Variants in RBFOX1 observed in about 807,000 individuals in gnomAD.
RBFOX1 encodes RNA binding protein fox-1 homolog 1.
Under a neutral mutation model 57.7 loss-of-function variants are expected in RBFOX1, and 8 were observed. That is an observed-to-expected ratio of 0.14 (90% confidence interval 0.08 to 0.25). The LOEUF (loss-of-function observed/expected upper bound fraction) is 0.25, where lower values mean the gene tolerates loss of function less well. Ranked by LOEUF, RBFOX1 falls within the 10% of genes least tolerant of loss-of-function variation. The pLI, the probability that RBFOX1 is intolerant of heterozygous loss-of-function variation, is 1.00. For synonymous variants in RBFOX1, 326 were observed against 222.4 expected (o/e 1.47, Z -4.15); for missense variants, 611 against 548.5 (o/e 1.11, Z -1.14).
At chr16:7,422,081 C>G (rs1300631342) in intron 4 of RBFOX1, among the ~76,000 whole-genome samples, 1 of 152,094 alleles carries the variant, frequency 6.6e-6, no homozygotes, top group Non-Finnish European at 1.5e-5. Flanking sequence ...CTTAAATAGA[C>G]AAAGAGAAAT....
Position 6,227,124 on chromosome 16 carries a change from A to G in RBFOX1, c.-126-89871A>G, listed in dbSNP as rs1329573997. 2.6e-5 allele frequency among the ~76,000 whole-genome samples: 4 copies of G among 151,936 alleles called. No homozygotes were observed. The East Asian group carries it at 7.8e-4, about 29-fold the overall frequency. On this transcript the variant is annotated intron_variant, in intron 1 of 15. Transcript: ENST00000550418. ...AGGTGACAGGGCGAGACTCTGTCTC[A>G]AGAAAAAAAAAAGTAATATTATTAT... is the stretch of plus-strand genomic sequence containing the variant.
At chr16:7,187,178 A>G (rs969230176) in intron 4 of RBFOX1, among the ~76,000 whole-genome samples, 78 of 152,076 alleles carry the variant, frequency 5.1e-4, no homozygotes, top group African/African-American at 1.5e-3. Flanking sequence ...CAAAAAATAA[A>G]TAAAAAAATA....
At chr16:6,335,818 A>G (rs1182887966) in intron 2 of RBFOX1, among the ~76,000 whole-genome samples, 1 of 150,646 alleles carries the variant, frequency 6.6e-6, no homozygotes, top group Non-Finnish European at 1.5e-5. Context: ...AAAAGAAAAG[A>G]AAAAATAAAA....
At chr16:6,963,999 C>T (rs965190076) in intron 3 of RBFOX1, among the ~76,000 whole-genome samples, 65 of 150,974 alleles carry the variant, frequency 4.3e-4, no homozygotes, top group African/African-American at 1.5e-3. Context: ...CGCCCAGCCC[C>T]GGATTTATTT....
At chr16:7,341,534 G>T (rs1419825527) in intron 4 of RBFOX1, among the ~76,000 whole-genome samples, 1 of 152,116 alleles carries the variant, frequency 6.6e-6, no homozygotes, top group African/African-American at 2.4e-5. Flanking sequence ...TAGAACTCTT[G>T]AGTCTCCACC....
chr16:7,697,101 A>G lies in RBFOX1; in HGVS notation c.996-11955A>G, dbSNP rs115028987. 8.4e-3 allele frequency among the ~76,000 whole-genome samples: 1,273 copies of G among 152,314 alleles called. 22 individuals are homozygous for G. The highest frequency in any genetic ancestry group is 0.029 in the African/African-American group (1,209 of 41,554). On this transcript the variant is annotated intron_variant, in intron 14 of 15. Transcript: ENST00000550418. ...GTTGTAATCTGACTTTAATGATCAG[A>G]TAAGACTGCTTTGTGGAGACCAAAC... is the stretch of plus-strand genomic sequence containing the variant.
chr16:7,453,195 C>T (rs1019986947), intron 4 of RBFOX1, among the ~76,000 whole-genome samples: 1 of 151,260 alleles, frequency 6.6e-6, no homozygotes, highest in Non-Finnish European at 1.5e-5. Context: ...AGGATGGCTT[C>T]CTGAAGGAAC....
intron 3 of RBFOX1, among the ~76,000 whole-genome samples, chr16:6,998,950 C>T (rs1344508761): frequency 1.3e-5 from 2 of 151,040 alleles, no homozygotes; most frequent in East Asian, 2.0e-4. Context: ...CTCACTGTAA[C>T]CTCCGCCTCC....
At chr16:7,275,082 G>A (rs1038944476) in intron 4 of RBFOX1, among the ~76,000 whole-genome samples, 5 of 152,132 alleles carry the variant, frequency 3.3e-5, no homozygotes, top group Non-Finnish European at 7.3e-5. Context: ...GAGCGGGCAG[G>A]GTTCTGGATC....
intron 2 of RBFOX1, among the ~76,000 whole-genome samples, chr16:6,431,274 G>T (rs2094075161): frequency 6.6e-6 from 1 of 152,076 alleles, no homozygotes; most frequent in African/African-American, 2.4e-5. Context: ...AGGATCCTAT[G>T]GCTGTGGATG....
chr16:7,661,203 G>A (rs1250110764), intron 12 of RBFOX1, among the ~76,000 whole-genome samples: 1 of 152,144 alleles, frequency 6.6e-6, no homozygotes, highest in African/African-American at 2.4e-5. Flanking sequence ...ATTTTTTAGA[G>A]TTATCCTAAA....
chr16:5,542,223 A>T (rs1238456013), intron 2 of RBFOX1, among the ~76,000 whole-genome samples: 4 of 150,754 alleles, frequency 2.7e-5, no homozygotes, highest in Non-Finnish European at 5.9e-5. Context: ...TAGTCATTTC[A>T]ATTTAATAAC....
At chr16:5,439,684 A>G (rs985387132) in intron 1 of RBFOX1, among the ~76,000 whole-genome samples, 24 of 152,148 alleles carry the variant, frequency 1.6e-4, no homozygotes, top group African/African-American at 5.8e-4. Flanking sequence ...GCCTCAAGTG[A>G]TTCACCCGCC....
intron 4 of RBFOX1, among the ~76,000 whole-genome samples, chr16:7,322,246 G>A (rs888765060): frequency 6.6e-6 from 1 of 152,216 alleles, no homozygotes; most frequent in Middle Eastern, 3.2e-3. Flanking sequence ...CACTTCTTAA[G>A]CACAGACTTG....
At chr16:5,863,405 G>T (rs1008898244) in intron 3 of RBFOX1, among the ~76,000 whole-genome samples, 2 of 152,150 alleles carry the variant, frequency 1.3e-5, no homozygotes, top group Non-Finnish European at 2.9e-5. Context: ...TCTGATGACT[G>T]CTGATGGCTT....
At chr16:6,783,626 AT>A (rs1355710300) in intron 3 of RBFOX1, among the ~76,000 whole-genome samples, 4 of 151,798 alleles carry the variant, frequency 2.6e-5, no homozygotes, top group Non-Finnish European at 5.9e-5. Flanking sequence ...AGTTATTATT[AT>A]TTTTCATAGG....
intron 2 of RBFOX1, among the ~76,000 whole-genome samples, chr16:6,367,876 C>A (rs1040979734): frequency 2.6e-5 from 4 of 152,154 alleles, no homozygotes; most frequent in Admixed American, 2.0e-4. Flanking sequence ...TTGCCTAAAT[C>A]GTCAACTCCT....
At chr16:7,543,151 G>A (rs1158954994) in intron 5 of RBFOX1, among the ~76,000 whole-genome samples, 1 of 152,166 alleles carries the variant, frequency 6.6e-6, no homozygotes, top group Admixed American at 6.5e-5. Flanking sequence ...ATCACTCAGG[G>A]TTGGTGTTTA....
intron 1 of RBFOX1, among the ~76,000 whole-genome samples, chr16:5,363,031 CTTTTTTTT>C (rs35426149): frequency 8.4e-5 from 8 of 95,420 alleles, no homozygotes; most frequent in African/African-American, 2.4e-4. Context: ...GATTTTAATT[CTTTTTTTT>C]TTTTTTTTTT....
Sources: allele counts gnomAD v4.1 joint callset (sites outside exome capture counted in the v4.1 genomes callset), GRCh38; gene constraint gnomAD v4.1.1; transcripts MANE v1.5; gene names NCBI Gene and HGNC (gene_info 2026-07-23, HGNC 2026-07-21).